KCNJ15: variants seen among roughly 807,000 people sequenced by gnomAD.
KCNJ15 encodes potassium inwardly rectifying channel subfamily J member 15, also known as ATP-sensitive inward rectifier potassium channel 15.
KCNJ15 carries 14 observed loss-of-function variants against 23.0 expected under a neutral mutation model. That is an observed-to-expected ratio of 0.61 (90% CI 0.40 to 0.95). KCNJ15 has a LOEUF of 0.95. Among genes scored for constraint, KCNJ15 ranks in the 40% least tolerant of loss-of-function variants. The probability of loss-of-function intolerance (pLI) is 0.00; values close to 1 mark genes in which losing one functional copy is unlikely to be tolerated. For missense variants in KCNJ15, 388 were observed against 461.8 expected (o/e 0.84, Z 1.46); for synonymous variants, 185 against 183.2 (o/e 1.01, Z -0.08).
At position 38,306,435 on chromosome 21, in the gene KCNJ15, A is replaced by G. The variant is rs1473841426; in HGVS notation, c.*6046A>G. On this transcript the variant is annotated 3_prime_UTR_variant, in exon 3 of 3. Transcript: ENST00000398938. Reference sequence around the variant, plus strand: ...AAATGCGTGATCTCTCAGCTGACTTACTTTATGCAAATTTACTTAATATTA... The same window carrying G: ...AAATGCGTGATCTCTCAGCTGACTTGCTTTATGCAAATTTACTTAATATTA... The G allele has an allele frequency of 2.6e-5, 4 of 151,870 alleles. No individual in the cohort carries two copies. Among genetic ancestry groups the G allele is most frequent in the African/African-American group, 9.7e-5 (4 of 41,378 alleles). 9.4% of individuals were successfully genotyped at this position (151,870 alleles called of 1,614,324 possible). A position where few individuals can be genotyped will look rare whatever the true frequency, so the allele number is the denominator to read the frequency against.
rs181795920 is a variant in KCNJ15, at chr21:38,232,776, T to A, written c.-398-24270T>A. Among the ~76,000 whole-genome samples the A allele has an allele frequency of 3.0e-3, 457 of 152,068 alleles. 2 individuals carry two copies. The highest frequency in any genetic ancestry group is 9.5e-3 in the African/African-American group (394 of 41,550). On this transcript the variant is annotated intron_variant, in intron 1 of 4. Transcript: ENST00000547341. Reference sequence around the variant, plus strand: ...ACATTTTTAAAATTTTATTCTATTATTAATTTCTGATTTGATTCCAATGTC... The same window carrying A: ...ACATTTTTAAAATTTTATTCTATTAATAATTTCTGATTTGATTCCAATGTC...
intron 1 of KCNJ15, among the ~76,000 whole-genome samples, chr21:38,284,504 A>G (rs189033337): frequency 1.4e-4 from 21 of 152,342 alleles, no homozygotes; most frequent in Admixed American, 9.8e-4. Flanking sequence ...TTGTCCATGC[A>G]TCAGTAATTT....
intron 1 of KCNJ15, among the ~76,000 whole-genome samples, chr21:38,268,537 G>T (rs1981706569): frequency 4.4e-5 from 3 of 68,846 alleles, no homozygotes; most frequent in African/African-American, 4.5e-5. Context: ...TCTGACAAGA[G>T]TACTTAAAAT....
chr21:38,298,198 G>A (rs1477266290), intron 2 of KCNJ15: 1 of 152,178 alleles, frequency 6.6e-6, no homozygotes, highest in Non-Finnish European at 1.5e-5. Flanking sequence ...GATGCTAGGG[G>A]CCTCACAGAC....
At position 38,305,940 on chromosome 21, in the gene KCNJ15, G is replaced by T. The variant is rs1986039730; in HGVS notation, c.*5551G>T. 1 of 152,222 alleles carries T rather than the reference G, an allele frequency of 6.6e-6. No homozygotes were observed. The highest frequency in any genetic ancestry group is 2.4e-5 in the African/African-American group (1 of 41,448). The allele number at this position is 152,222 out of a possible 1,614,324, so 9.4% of individuals were successfully genotyped here. A position where few individuals can be genotyped will look rare whatever the true frequency, so the allele number is the denominator to read the frequency against. ...AAGGGAAAATTTCAGCTGAACACGG[G>T]GAACCCAGTCTTTGACACTCCTGTG... On this transcript the variant is annotated 3_prime_UTR_variant, in exon 3 of 3. Transcript: ENST00000398938.
chr21:38,299,740 T>G lies in KCNJ15; in HGVS notation c.479T>G (p.Ile160Ser). The part of the protein sequence containing the change: ...LVITTLIEIF[I>S]TGTFLAKIAR... ...ATCACGACCTTGATTGAGATCTTCA[T>G]CACCGGAACCTTCCTGGCCAAAATC... Residue 160 changes from isoleucine (I) to serine (S), a missense_variant, in exon 3 of 3, where the codon ATC becomes AGC. By Grantham distance (142) the Ile-to-Ser change is moderately radical. Transcript: ENST00000398938. This position sits in a 1 kb window ranked among gnomAD's most constrained non-coding sequence, Gnocchi z 4.5. The G allele has an allele frequency of 6.2e-7, 1 of 1,614,128 alleles. No individual in the cohort carries two copies. The highest frequency in any genetic ancestry group is 8.5e-7 in the Non-Finnish European group (1 of 1,180,032).
At chr21:38,250,442 G>C (rs1437211874) in intron 1 of KCNJ15, among the ~76,000 whole-genome samples, 2 of 152,204 alleles carry the variant, frequency 1.3e-5, no homozygotes, top group African/African-American at 2.4e-5. Context: ...AAAACATGCA[G>C]TGTGTACCCA....
At chr21:38,239,636 A>G (rs921515864) in intron 1 of KCNJ15, among the ~76,000 whole-genome samples, 1 of 152,228 alleles carries the variant, frequency 6.6e-6, no homozygotes, top group African/African-American at 2.4e-5. Context: ...TAGATGCACA[A>G]GATCTTTGCA....
intron 1 of KCNJ15, among the ~76,000 whole-genome samples, chr21:38,241,966 C>T (rs1395927043): frequency 3.6e-5 from 4 of 111,810 alleles, no homozygotes; most frequent in Non-Finnish European, 6.6e-5. Context: ...AAGACTCCAT[C>T]TAAAAAAAAA....
chr21:38,287,064 C>A (rs1983987313), intron 1 of KCNJ15, among the ~76,000 whole-genome samples: 1 of 152,112 alleles, frequency 6.6e-6, no homozygotes, highest in Admixed American at 6.5e-5. Context: ...TCATTGGTGT[C>A]TTCTGTAATC....
At chr21:38,292,500 T>A (rs1984704886) in intron 1 of KCNJ15, among the ~76,000 whole-genome samples, 1 of 152,196 alleles carries the variant, frequency 6.6e-6, no homozygotes, top group African/African-American at 2.4e-5. Context: ...AGCTATCTTG[T>A]CATGATAAAT....
At chr21:38,296,138 T>C (rs1328023714) in intron 1 of KCNJ15, among the ~76,000 whole-genome samples, 1 of 152,040 alleles carries the variant, frequency 6.6e-6, no homozygotes, top group Admixed American at 6.6e-5. Flanking sequence ...AGGTAATAGA[T>C]CAATAATTGA....
At chr21:38,286,242 C>G (rs764295632) in intron 1 of KCNJ15, among the ~76,000 whole-genome samples, 11 of 152,044 alleles carry the variant, frequency 7.2e-5, no homozygotes, top group Non-Finnish European at 1.0e-4. Context: ...GACTCCGTCT[C>G]AAACAAAAAA....
chr21:38,290,993 TAA>T (rs1984545194), intron 1 of KCNJ15, among the ~76,000 whole-genome samples: 1 of 101,664 alleles, frequency 9.8e-6, no homozygotes. Flanking sequence ...ATAAAAAGGC[TAA>T]ACACACACAC....
intron 1 of KCNJ15, among the ~76,000 whole-genome samples, chr21:38,291,373 G>T (rs1984596420): frequency 6.6e-6 from 1 of 152,116 alleles, no homozygotes; most frequent in Non-Finnish European, 1.5e-5. Flanking sequence ...AAACCTGAGA[G>T]CAATTTTCTA....
In KCNJ15 at chr21:38,306,573, T is replaced by G. The variant is rs1481652292; in HGVS notation, c.*6184T>G. 6.6e-6 allele frequency: 1 copy of G among 152,184 alleles called. No homozygotes were observed. The highest frequency in any genetic ancestry group is 1.5e-5 in the Non-Finnish European group (1 of 68,040). The allele number at this position is 152,184 out of a possible 1,614,324, so 9.4% of individuals were successfully genotyped here. ...TTTCATCTGCAATCAAATCTCAGGA[T>G]TAAGGATGTCGTATTACATCAAATC... is the stretch of plus-strand genomic sequence containing the variant. On this transcript the variant is annotated 3_prime_UTR_variant, in exon 3 of 3. Transcript: ENST00000398938.
At chr21:38,294,301 A>G (rs1984924713) in intron 1 of KCNJ15, among the ~76,000 whole-genome samples, 1 of 152,202 alleles carries the variant, frequency 6.6e-6, no homozygotes, top group South Asian at 2.1e-4. Context: ...ATGTTTTTTC[A>G]GAGCTTAAAA....
At chr21:38,245,719 GAGAGAA>G (rs1391362241) in intron 1 of KCNJ15, among the ~76,000 whole-genome samples, 3 of 145,892 alleles carry the variant, frequency 2.1e-5, no homozygotes, top group African/African-American at 4.9e-5. Flanking sequence ...GAAAGAAAGA[GAGAGAA>G]AGAGAAAGGA....
intron 1 of KCNJ15, among the ~76,000 whole-genome samples, chr21:38,245,122 G>A (rs942470190): frequency 6.6e-6 from 1 of 151,958 alleles, no homozygotes; most frequent in African/African-American, 2.4e-5. Context: ...CAAACAGAAG[G>A]AAGTCAGAGA....
Sources: gnomAD v4.1 joint callset for allele counts (sites outside exome capture counted in the v4.1 genomes callset) on GRCh38, gnomAD v4.1.1 for gene constraint, Gnocchi (gnomAD v3.1) non-coding constraint, MANE v1.5 for transcripts, NCBI Gene and HGNC (gene_info 2026-07-23, HGNC 2026-07-21) for gene names.